The following TTC7B variants were observed in gnomAD, a reference collection of about 807,000 sequenced individuals.
TTC7B encodes the protein tetratricopeptide repeat protein 7B.
In TTC7B, 28 loss-of-function variants were observed where a neutral mutation model predicts 106.8. That is an observed-to-expected ratio of 0.26 (90% CI 0.19 to 0.36). The LOEUF is 0.36. TTC7B is among the 10% of genes least tolerant of loss of function. The pLI, the probability that TTC7B is intolerant of heterozygous loss-of-function variation, is 1.00. For synonymous variants in TTC7B, 405 were observed against 430.6 expected, an observed-to-expected ratio of 0.94 and a Z score of 0.74; for missense variants, 862 against 1,076.4, an observed-to-expected ratio of 0.80 and a Z score of 2.79.
chr14:90,605,809 A>T, intron 17 of TTC7B: 1 of 1,186,762 alleles, frequency 8.4e-7, no homozygotes. Flanking sequence ...AAAACTTTAG[A>T]AACACAAAGA....
rs574648386 is a variant in TTC7B at position 90,655,889 on chromosome 14, A to T, written c.1342-779T>A. Reference sequence around the variant, plus strand: ...TTTTTTAAAAAAAAGAGGTCTATTTAAGGCATTTCAAGATGTATATGTTAC... The same window carrying T: ...TTTTTTAAAAAAAAGAGGTCTATTTTAGGCATTTCAAGATGTATATGTTAC... On this transcript the variant is annotated intron_variant, in intron 11 of 19. Coordinates refer to ENST00000328459, the MANE Select transcript of TTC7B (RefSeq NM_001010854.2). 4.6e-5 allele frequency among the ~76,000 whole-genome samples: 7 copies of T among 152,302 alleles called. No individual in the cohort carries two copies. In the East Asian group the frequency reaches 1.2e-3, roughly 25 times the overall value.
intron 5 of TTC7B, among the ~76,000 whole-genome samples, chr14:90,706,024 A>T (rs556841936): frequency 6.6e-6 from 1 of 152,300 alleles, no homozygotes; most frequent in Non-Finnish European, 1.5e-5. Context: ...CCCTTTGGCA[A>T]GACTTCAGCA....
At chr14:90,692,323 A>G (rs1286621664) in intron 6 of TTC7B, among the ~76,000 whole-genome samples, 1 of 152,114 alleles carries the variant, frequency 6.6e-6, no homozygotes, top group East Asian at 1.9e-4. Flanking sequence ...TGGAGTATAT[A>G]CCTAAGAGTG....
intron 1 of TTC7B, among the ~76,000 whole-genome samples, chr14:90,786,718 T>A (rs1370336337): frequency 2.0e-5 from 3 of 152,180 alleles, no homozygotes; most frequent in Non-Finnish European, 4.4e-5. Flanking sequence ...TAGCTGGGAT[T>A]ACAGGCACCT....
At chr14:90,749,624 C>T (rs533770744) in intron 3 of TTC7B, among the ~76,000 whole-genome samples, 4 of 152,092 alleles carry the variant, frequency 2.6e-5, no homozygotes, top group East Asian at 1.9e-4. Context: ...AGGCTGGTCT[C>T]GAACTCCTGA....
rs1566757016 is a variant in TTC7B at position 90,537,376 on chromosome 14, G to GGGT, written c.*3991_*3992insACC. 8.6e-5 allele frequency: 2 copies of GGGT among 23,260 alleles called. No individual in the cohort carries two copies. Among genetic ancestry groups the GGGT allele is most frequent in the East Asian group, 4.0e-4 (1 of 2,476 alleles). 1.4% of individuals were successfully genotyped at this position (23,260 alleles called of 1,614,324 possible). On this transcript the variant is annotated 3_prime_UTR_variant, in exon 20 of 20. Transcript: ENST00000328459. Reference sequence around the variant, plus strand: ...TATTTTTTTTTTTTTGTAGAGATGGGGGGGGGGTCTCACCATGTTGCCCAG... The same window carrying GGGT: ...TATTTTTTTTTTTTTGTAGAGATGGGGGTGGGGGGGTCTCACCATGTTGCCCAG...
chr14:90,814,720 G>A (rs1286305), intron 1 of TTC7B, among the ~76,000 whole-genome samples: 59,155 of 152,010 alleles, frequency 0.39, 12,098 homozygotes, highest in East Asian at 0.56. Flanking sequence ...AATGCTGCAG[G>A]TAAGCGGAGA....
intron 1 of TTC7B, among the ~76,000 whole-genome samples, chr14:90,788,506 C>T (rs960896347): frequency 3.3e-5 from 5 of 151,974 alleles, no homozygotes; most frequent in African/African-American, 4.8e-5. Context: ...ATCATATATC[C>T]GAAATTGGGA....
chr14:90,768,437 A>T (rs528288657), intron 3 of TTC7B, among the ~76,000 whole-genome samples: 1 of 152,310 alleles, frequency 6.6e-6, no homozygotes, highest in South Asian at 2.1e-4. Flanking sequence ...ACTCACTTTC[A>T]GGAGAACAGC....
At chr14:90,708,767 C>T (rs907482876) in intron 5 of TTC7B, among the ~76,000 whole-genome samples, 8 of 152,136 alleles carry the variant, frequency 5.3e-5, no homozygotes, top group African/African-American at 1.9e-4. Context: ...AGTGATTCCT[C>T]TGATGGATCT....
chr14:90,725,695 G>C (rs1281633088), intron 5 of TTC7B, among the ~76,000 whole-genome samples: 1 of 152,170 alleles, frequency 6.6e-6, no homozygotes. Context: ...AGCACTCGGT[G>C]ATGTAACCTA....
intron 18 of TTC7B, 66 bp downstream of exon 18, chr14:90,593,420 G>A (rs558889890): frequency 5.0e-4 from 747 of 1,490,744 alleles, no homozygotes; most frequent in Non-Finnish European, 6.4e-4. Context: ...GCACAGCAGC[G>A]GGTTGTGGGT....
At chr14:90,616,693 T>C (rs1893093573) in intron 16 of TTC7B, among the ~76,000 whole-genome samples, 1 of 152,198 alleles carries the variant, frequency 6.6e-6, no homozygotes, top group African/African-American at 2.4e-5. Flanking sequence ...TGAACATTTT[T>C]TTTTAACTGC....
rs184317296 is a variant in TTC7B, at chr14:90,805,317, G to A, written c.121+10858C>T. 9.2e-5 allele frequency among the ~76,000 whole-genome samples: 14 copies of A among 152,290 alleles called. No individual in the cohort carries two copies. Among genetic ancestry groups the A allele is most frequent in the African/African-American group, 3.1e-4 (13 of 41,560 alleles). The stretch of plus-strand genomic sequence containing the variant: ...GTCACCCAGGGTAGTGTGCAGTGGC[G>A]CGATCTCGGCTCACTGCAACCTCTA... On this transcript the variant is annotated intron_variant, in intron 1 of 19. Transcript: ENST00000328459. This position sits in a 1 kb window ranked among gnomAD's most constrained non-coding sequence, Gnocchi z 4.0.
chr14:90,816,137 C>A, intron 1 of TTC7B, 38 bp downstream of exon 1: 1 of 1,087,168 alleles, frequency 9.2e-7, no homozygotes, highest in Non-Finnish European at 1.1e-6. Context: ...GAGGCCGCGG[C>A]GCCCCCCGCA....
intron 1 of TTC7B, among the ~76,000 whole-genome samples, chr14:90,790,422 A>C (rs575932274): frequency 1.3e-5 from 2 of 152,262 alleles, no homozygotes; most frequent in South Asian, 4.1e-4. Flanking sequence ...TTTAAATTCC[A>C]AAAAACAAAA....
intron 17 of TTC7B, among the ~76,000 whole-genome samples, chr14:90,594,840 G>A (rs922221165): frequency 7.2e-5 from 11 of 152,074 alleles, no homozygotes; most frequent in South Asian, 2.1e-4. Context: ...CAATAGATGC[G>A]CCATCCATAT....
intron 14 of TTC7B, 30 bp from the exon 15 acceptor site, chr14:90,644,238 TACATAC>T (rs3830889): frequency 0.58 from 881,184 of 1,527,368 alleles, 256,846 homozygotes; most frequent in East Asian, 0.79. Context: ...AAAAAGGTTT[TACATAC>T]ACACATGCAC....
intron 13 of TTC7B, among the ~76,000 whole-genome samples, chr14:90,652,160 C>T (rs1031653878): frequency 7.9e-5 from 12 of 152,160 alleles, no homozygotes; most frequent in African/African-American, 2.9e-4. Context: ...TCAACAGCTG[C>T]GGGACCGGCA....
Sources: gnomAD v4.1 joint callset for allele counts (sites outside exome capture counted in the v4.1 genomes callset) on GRCh38, gnomAD v4.1.1 for gene constraint, Gnocchi (gnomAD v3.1) non-coding constraint, MANE v1.5 for transcripts, NCBI Gene and HGNC (gene_info 2026-07-23, HGNC 2026-07-21) for gene names.